The following PRKCB variants were observed in gnomAD, a reference collection of about 807,000 sequenced individuals.
The protein encoded by PRKCB is protein kinase C beta, also known as protein kinase C beta type.
A neutral mutation model predicts 81.5 loss-of-function variants in PRKCB; 13 were observed. The observed-to-expected ratio is 0.16, with a 90% CI of 0.10 to 0.25. The LOEUF (loss-of-function observed/expected upper bound fraction) is 0.25. Ranked by LOEUF, PRKCB falls within the 10% of genes least tolerant of loss-of-function variation. The pLI, the probability that PRKCB is intolerant of heterozygous loss-of-function variation, is 1.00. For missense variants in PRKCB, 509 were observed against 875.7 expected, an observed-to-expected ratio of 0.58 and a Z score of 5.29; for synonymous variants, 335 against 321.4, an observed-to-expected ratio of 1.04 and a Z score of -0.45.
chr16:24,129,852 G>A (rs1275516820), intron 9 of PRKCB, among the ~76,000 whole-genome samples: 1 of 152,122 alleles, frequency 6.6e-6, no homozygotes, highest in African/African-American at 2.4e-5. Context: ...TATACTCATG[G>A]TCCCTGCTTT....
chr16:24,100,982 G>A (rs1053702400), intron 7 of PRKCB, among the ~76,000 whole-genome samples: 9 of 152,226 alleles, frequency 5.9e-5, no homozygotes, highest in Admixed American at 3.3e-4. Context: ...AGCCAGTTTC[G>A]TTGTATGGAT....
At chr16:23,941,126 G>A (rs1964136151) in intron 2 of PRKCB, among the ~76,000 whole-genome samples, 1 of 152,094 alleles carries the variant, frequency 6.6e-6, no homozygotes, top group African/African-American at 2.4e-5. Context: ...TAGGTTTATG[G>A]GGCATCTGAG....
At chr16:23,978,444 G>A (rs146474947) in intron 2 of PRKCB, among the ~76,000 whole-genome samples, 10 of 152,202 alleles carry the variant, frequency 6.6e-5, no homozygotes, top group Admixed American at 5.9e-4. Flanking sequence ...GTGTCCTGTG[G>A]AATGTGCCAT....
chr16:24,134,217 C>T (rs1298916424), intron 9 of PRKCB, among the ~76,000 whole-genome samples: 1 of 152,138 alleles, frequency 6.6e-6, no homozygotes, highest in Non-Finnish European at 1.5e-5. Context: ...ACTCTTTCCT[C>T]TTCCTTTTTT....
chr16:24,213,006 A>ATATTTATTTATTTATT (rs113357248), intron 16 of PRKCB, among the ~76,000 whole-genome samples: 2 of 143,816 alleles, frequency 1.4e-5, no homozygotes, highest in African/African-American at 5.2e-5. Flanking sequence ...CCGTACTTGT[A>ATATTTATTTATTTATT]TATTTATTTA....
intron 2 of PRKCB, among the ~76,000 whole-genome samples, chr16:23,872,579 T>C (rs1295864564): frequency 6.6e-6 from 1 of 152,152 alleles, no homozygotes; most frequent in Non-Finnish European, 1.5e-5. Flanking sequence ...GGAGGTATCC[T>C]GTTTGGGTTC....
At chr16:23,946,689 C>G (rs1964207178) in intron 2 of PRKCB, among the ~76,000 whole-genome samples, 1 of 151,978 alleles carries the variant, frequency 6.6e-6, no homozygotes. Context: ...GCTTTTCAAA[C>G]TTTAGCGTGC....
At chr16:23,868,648 C>T (rs1962848407) in intron 2 of PRKCB, among the ~76,000 whole-genome samples, 1 of 152,200 alleles carries the variant, frequency 6.6e-6, no homozygotes, top group Non-Finnish European at 1.5e-5. Context: ...ACATTAATGT[C>T]TTGATATCAA....
intron 7 of PRKCB, among the ~76,000 whole-genome samples, chr16:24,110,393 T>C (rs1040458948): frequency 2.6e-5 from 4 of 151,894 alleles, no homozygotes; most frequent in Admixed American, 2.6e-4. Context: ...TTTGTGGTTT[T>C]AGTACAGATG....
intron 2 of PRKCB, among the ~76,000 whole-genome samples, chr16:23,873,207 A>G (rs1962940668): frequency 6.7e-6 from 1 of 148,158 alleles, no homozygotes; most frequent in Non-Finnish European, 1.5e-5. Context: ...AAAAAAAAAA[A>G]AAGAAAAAAA....
At chr16:24,175,172 A>T (rs539686185) in intron 12 of PRKCB, among the ~76,000 whole-genome samples, 5 of 152,218 alleles carry the variant, frequency 3.3e-5, no homozygotes, top group African/African-American at 1.2e-4. Context: ...CAGCAAGTCC[A>T]GGGCGTACAA....
intron 14 of PRKCB, 83 bp downstream of exon 14, chr16:24,185,274 A>G: frequency 1.5e-6 from 2 of 1,375,180 alleles, no homozygotes; most frequent in Non-Finnish European, 2.0e-6. Context: ...CATGTTTGGT[A>G]ACAGCTCATA....
chr16:23,884,270 A>G (rs571883687), intron 2 of PRKCB, among the ~76,000 whole-genome samples: 60 of 152,320 alleles, frequency 3.9e-4, no homozygotes, highest in African/African-American at 1.3e-3. Flanking sequence ...TCCACCCCCA[A>G]TGATGAAGAC....
chr16:23,845,527 T>C (rs1567287704), intron 2 of PRKCB, among the ~76,000 whole-genome samples: 1 of 152,134 alleles, frequency 6.6e-6, no homozygotes. Context: ...ATGTCTGTAA[T>C]CACAGCACTC....
At chr16:23,939,892 C>G (rs1964116397) in intron 2 of PRKCB, among the ~76,000 whole-genome samples, 1 of 152,114 alleles carries the variant, frequency 6.6e-6, no homozygotes. Context: ...CTGCAAAACG[C>G]TGTTGAGAGA....
At chr16:24,151,794 C>T (rs1486125245) in intron 9 of PRKCB, 2 of 455,836 alleles carry the variant, frequency 4.4e-6, no homozygotes, top group Non-Finnish European at 8.8e-6. Context: ...ATTTTCAGAA[C>T]AGTCATTAGC....
intron 7 of PRKCB, among the ~76,000 whole-genome samples, chr16:24,095,062 A>C (rs1408087218): frequency 6.6e-6 from 1 of 152,052 alleles, no homozygotes; most frequent in Non-Finnish European, 1.5e-5. Context: ...TGGATTTTCT[A>C]TTTGTCACCG....
chr16:23,952,250 A>G (rs778965654), intron 2 of PRKCB, among the ~76,000 whole-genome samples: 5 of 152,236 alleles, frequency 3.3e-5, no homozygotes, highest in Non-Finnish European at 7.3e-5. Flanking sequence ...AGCCCTGAGC[A>G]GAGAAGCCCC....
At chr16:23,913,229 C>T (rs759216067) in intron 2 of PRKCB, among the ~76,000 whole-genome samples, 1 of 151,882 alleles carries the variant, frequency 6.6e-6, no homozygotes, top group Non-Finnish European at 1.5e-5. Flanking sequence ...TGAATATGGA[C>T]AAGGAGAAGC....
Sources: gnomAD v4.1 joint callset for allele counts (sites outside exome capture counted in the v4.1 genomes callset) on GRCh38, gnomAD v4.1.1 for gene constraint, MANE v1.5 for transcripts, NCBI Gene and HGNC (gene_info 2026-07-23, HGNC 2026-07-21) for gene names.